The following GABBR2 variants were observed in gnomAD, a reference collection of about 807,000 sequenced individuals.
GABBR2 encodes G-protein coupled receptor 51.
GABBR2 carries 23 observed loss-of-function variants against 105.6 expected under a neutral mutation model. That is an observed-to-expected ratio of 0.22 (90% CI 0.16 to 0.31). The LOEUF (loss-of-function observed/expected upper bound fraction) is 0.31. Ranked by LOEUF, GABBR2 falls within the 10% of genes least tolerant of loss-of-function variation. The pLI is 1.00. For synonymous variants in GABBR2, 478 were observed against 499.7 expected, an observed-to-expected ratio of 0.96 and a Z score of 0.58; for missense variants, 734 against 1,245.5, an observed-to-expected ratio of 0.59 and a Z score of 6.18.
At chr9:98,485,244 A>C (rs943008478) in intron 4 of GABBR2, among the ~76,000 whole-genome samples, 2 of 152,168 alleles carry the variant, frequency 1.3e-5, no homozygotes, top group Admixed American at 6.5e-5. Context: ...AGAGGCTACT[A>C]TCACAAGAAA....
At chr9:98,564,881 G>A (rs1828728071) in intron 2 of GABBR2, among the ~76,000 whole-genome samples, 1 of 152,186 alleles carries the variant, frequency 6.6e-6, no homozygotes, top group Admixed American at 6.5e-5. Context: ...TCCTCCAGCT[G>A]GGACCAGGGT....
chr9:98,669,721 T>C (rs1190031009), intron 1 of GABBR2, among the ~76,000 whole-genome samples: 2 of 152,168 alleles, frequency 1.3e-5, no homozygotes, highest in East Asian at 1.9e-4. Flanking sequence ...TAGGATGTTA[T>C]TGATTCATCA....
intron 2 of GABBR2, among the ~76,000 whole-genome samples, chr9:98,561,878 T>C (rs1192571577): frequency 6.6e-6 from 1 of 152,000 alleles, no homozygotes; most frequent in Admixed American, 6.6e-5. Flanking sequence ...AATGAGACTG[T>C]CTCTCAAAAA....
chr9:98,703,469 C>T (rs1030790184), intron 1 of GABBR2, among the ~76,000 whole-genome samples: 10 of 152,140 alleles, frequency 6.6e-5, no homozygotes, highest in African/African-American at 2.4e-4. Context: ...AAAGAGCTCA[C>T]GTTCTTTTTA....
intron 3 of GABBR2, among the ~76,000 whole-genome samples, chr9:98,509,991 AAGGAAGAAATACTAAGAGCAGCC>A (rs1564097980): frequency 6.6e-6 from 1 of 152,224 alleles, no homozygotes; most frequent in African/African-American, 2.4e-5. Context: ...AGTTGAAATG[AAGGAAGAAATACTAAGAGCAGCC>A]AGAGAGAAAG....
chr9:98,576,235 C>T (rs1233648765), intron 2 of GABBR2, among the ~76,000 whole-genome samples: 4 of 152,178 alleles, frequency 2.6e-5, no homozygotes, highest in Non-Finnish European at 4.4e-5. Context: ...CACCCTGTCA[C>T]TCACTCTCTT....
chr9:98,463,984 C>T (rs1826482894), intron 6 of GABBR2, among the ~76,000 whole-genome samples: 1 of 152,212 alleles, frequency 6.6e-6, no homozygotes, highest in Non-Finnish European at 1.5e-5. Context: ...TGGCTCGCTA[C>T]AACCTCCACC....
intron 13 of GABBR2, among the ~76,000 whole-genome samples, chr9:98,321,749 C>A (rs1334272440): frequency 6.6e-6 from 1 of 152,218 alleles, no homozygotes; most frequent in East Asian, 1.9e-4. Flanking sequence ...TCAATTAAAC[C>A]CGGAGAAGAA....
At chr9:98,549,442 G>A (rs908627890) in intron 2 of GABBR2, among the ~76,000 whole-genome samples, 2 of 152,142 alleles carry the variant, frequency 1.3e-5, no homozygotes, top group East Asian at 1.9e-4. Flanking sequence ...GAAAAATCAC[G>A]AATAAATTTA....
At chr9:98,366,049 C>G (rs1831670968) in intron 12 of GABBR2, among the ~76,000 whole-genome samples, 1 of 152,188 alleles carries the variant, frequency 6.6e-6, no homozygotes, top group African/African-American at 2.4e-5. Context: ...GATTAAGCAC[C>G]TGGTTCTGGA....
rs560378796 is a variant in GABBR2, at chr9:98,640,200, AG to A, written c.322-62129del. On this transcript the variant is annotated intron_variant, in intron 1 of 18. Coordinates refer to ENST00000259455, the MANE Select transcript of GABBR2 (RefSeq NM_005458.8). ...AGCTGAAAGTCCCCTTGATAAGGGC[AG>A]GGGCAGGGTCTTATTCACTTTTGGA... Among the ~76,000 whole-genome samples the A allele has an allele frequency of 8.6e-5, 13 of 151,772 alleles. No individual in the cohort carries two copies. In the South Asian group the frequency reaches 1.3e-3, roughly 15 times the overall value.
intron 7 of GABBR2, among the ~76,000 whole-genome samples, chr9:98,410,654 G>A (rs973264627): frequency 3.3e-5 from 5 of 151,952 alleles, no homozygotes; most frequent in African/African-American, 9.7e-5. Flanking sequence ...GCCAGAGATA[G>A]GGCCCCAAAA....
At chr9:98,687,410 A>G (rs986165726) in intron 1 of GABBR2, among the ~76,000 whole-genome samples, 8 of 152,060 alleles carry the variant, frequency 5.3e-5, no homozygotes, top group African/African-American at 1.9e-4. Flanking sequence ...GTGATCAGAT[A>G]TTCAGGGTGG....
At chr9:98,572,302 G>A (rs1828843590) in intron 2 of GABBR2, among the ~76,000 whole-genome samples, 1 of 152,162 alleles carries the variant, frequency 6.6e-6, no homozygotes, top group Non-Finnish European at 1.5e-5. Context: ...AATTTAACCC[G>A]TTTCAGCACC....
chr9:98,398,145 C>T (rs552686789), intron 8 of GABBR2, among the ~76,000 whole-genome samples: 2 of 152,140 alleles, frequency 1.3e-5, no homozygotes, highest in Admixed American at 6.5e-5. Flanking sequence ...CAGGGGTAGA[C>T]TTGTCTTCTC....
At chr9:98,453,594 T>A (rs1826273167) in intron 7 of GABBR2, among the ~76,000 whole-genome samples, 1 of 152,222 alleles carries the variant, frequency 6.6e-6, no homozygotes, top group African/African-American at 2.4e-5. Context: ...ACTTTTCACA[T>A]CTTCATAACA....
At chr9:98,643,401 C>T (rs781094783) in intron 1 of GABBR2, among the ~76,000 whole-genome samples, 1 of 152,240 alleles carries the variant, frequency 6.6e-6, no homozygotes, top group Non-Finnish European at 1.5e-5. Flanking sequence ...CACAGGCACA[C>T]AGAGGTGTCA....
intron 1 of GABBR2, among the ~76,000 whole-genome samples, chr9:98,594,673 T>C (rs1310851649): frequency 6.6e-6 from 1 of 152,174 alleles, no homozygotes; most frequent in Non-Finnish European, 1.5e-5. Flanking sequence ...GCAGCAGCCT[T>C]TGGAAGGCCA....
At chr9:98,436,308 TAA>T (rs1564068043) in intron 7 of GABBR2, among the ~76,000 whole-genome samples, 2 of 92,126 alleles carry the variant, frequency 2.2e-5, no homozygotes, top group Admixed American at 1.2e-4. Flanking sequence ...TATATACCCA[TAA>T]ATATACCATA....
Sources: gnomAD v4.1 joint callset for allele counts (sites outside exome capture counted in the v4.1 genomes callset) on GRCh38, gnomAD v4.1.1 for gene constraint, MANE v1.5 for transcripts, NCBI Gene and HGNC (gene_info 2026-07-23, HGNC 2026-07-21) for gene names.